Variants in GPC5 observed in about 807,000 individuals in gnomAD.
GPC5 encodes the protein glypican 5.
GPC5 carries 47 observed loss-of-function variants against 53.9 expected under a neutral mutation model. The ratio of observed to expected loss-of-function variants is 0.87; its 90% confidence interval spans 0.69 to 1.11. The LOEUF is 1.11. GPC5 is among the 50% of genes most tolerant of loss of function. The pLI is 0.00. For synonymous variants in GPC5, 286 were observed against 263.3 expected (o/e 1.09, Z -0.84); for missense variants, 748 against 713.1 (o/e 1.05, Z -0.56).
intron 7 of GPC5, among the ~76,000 whole-genome samples, chr13:92,638,744 T>A (rs1566335640): frequency 6.6e-6 from 1 of 152,212 alleles, no homozygotes; most frequent in Non-Finnish European, 1.5e-5. Flanking sequence ...CACTCTTGTC[T>A]GTGTTTAGCA....
At chr13:92,336,723 A>AC (rs1300331537) in intron 7 of GPC5, among the ~76,000 whole-genome samples, 4 of 152,172 alleles carry the variant, frequency 2.6e-5, no homozygotes, top group African/African-American at 9.7e-5. Context: ...GTGGAAAGTA[A>AC]CCCTTCATTC....
rs117464672 is a variant in GPC5 at position 91,639,366 on chromosome 13, G to C, written c.326-53821G>C. Among the ~76,000 whole-genome samples, 1,211 of 152,276 alleles carry C rather than the reference G, an allele frequency of 8.0e-3. 10 individuals are homozygous for C. The highest frequency in any genetic ancestry group is 0.013 in the Non-Finnish European group (918 of 68,006). ...CCCATGAAGATTAATTTATGTTACA[G>C]AAACAAACTTTCTGATGATTCATAA... On this transcript the variant is annotated intron_variant, in intron 2 of 7. Transcript: ENST00000377067.
At chr13:92,306,224 T>C (rs2043109964) in intron 7 of GPC5, among the ~76,000 whole-genome samples, 1 of 152,208 alleles carries the variant, frequency 6.6e-6, no homozygotes, top group African/African-American at 2.4e-5. Flanking sequence ...TGAAATCTTG[T>C]GTGAATTCCT....
intron 6 of GPC5, among the ~76,000 whole-genome samples, chr13:92,090,432 C>A (rs2041370741): frequency 6.6e-6 from 1 of 152,146 alleles, no homozygotes; most frequent in African/African-American, 2.4e-5. Flanking sequence ...AAAGAGTCCC[C>A]AGAGAGACTC....
At chr13:91,422,565 G>A (rs1878712670) in intron 1 of GPC5, among the ~76,000 whole-genome samples, 1 of 152,164 alleles carries the variant, frequency 6.6e-6, no homozygotes, top group Admixed American at 6.5e-5. Flanking sequence ...GAACCCAGAA[G>A]GCAGAGTTTG....
intron 3 of GPC5, among the ~76,000 whole-genome samples, chr13:91,727,780 G>A (rs1033639855): frequency 6.6e-5 from 10 of 152,014 alleles, no homozygotes; most frequent in African/African-American, 9.7e-5. Context: ...ATGCTTTTAC[G>A]TATTTCCAGT....
At chr13:92,643,096 T>G (rs1885648757) in intron 7 of GPC5, among the ~76,000 whole-genome samples, 1 of 152,154 alleles carries the variant, frequency 6.6e-6, no homozygotes, top group Non-Finnish European at 1.5e-5. Context: ...GTAAATTTGT[T>G]TGAGTTCATT....
intron 7 of GPC5, among the ~76,000 whole-genome samples, chr13:92,613,017 C>A (rs1288616348): frequency 2.6e-5 from 4 of 151,350 alleles, no homozygotes; most frequent in Non-Finnish European, 5.9e-5. Context: ...AACTACAGTG[C>A]AAAGCAATTA....
chr13:92,294,679 T>C (rs909865883), intron 7 of GPC5, among the ~76,000 whole-genome samples: 1 of 152,138 alleles, frequency 6.6e-6, no homozygotes, highest in Admixed American at 6.5e-5. Flanking sequence ...ATCTGTTTTG[T>C]TGCTTTCAAT....
chr13:91,984,046 T>C (rs2040385007), intron 6 of GPC5, among the ~76,000 whole-genome samples: 1 of 152,280 alleles, frequency 6.6e-6, no homozygotes, highest in Non-Finnish European at 1.5e-5. Context: ...ACTTTATATT[T>C]CTAGATTTGT....
intron 2 of GPC5, among the ~76,000 whole-genome samples, chr13:91,550,860 T>A (rs2030596387): frequency 6.6e-6 from 1 of 152,000 alleles, no homozygotes; most frequent in Non-Finnish European, 1.5e-5. Flanking sequence ...AAATGGGAGT[T>A]CCCCTGCACA....
At chr13:92,347,500 G>A (rs2043423309) in intron 7 of GPC5, among the ~76,000 whole-genome samples, 1 of 152,080 alleles carries the variant, frequency 6.6e-6, no homozygotes, top group Admixed American at 6.6e-5. Context: ...GCAAAGGGAT[G>A]TCATAACCAT....
chr13:91,854,684 C>T (rs901065256), intron 5 of GPC5, among the ~76,000 whole-genome samples: 1 of 151,774 alleles, frequency 6.6e-6, no homozygotes, highest in Admixed American at 6.6e-5. Flanking sequence ...CTCATCCAAT[C>T]ACACTAGAAA....
At chr13:91,646,973 A>G (rs760189582) in intron 2 of GPC5, among the ~76,000 whole-genome samples, 3 of 152,178 alleles carry the variant, frequency 2.0e-5, no homozygotes, top group Non-Finnish European at 4.4e-5. Context: ...TAACATCCAT[A>G]AAATCATTAT....
At chr13:92,355,645 A>G (rs1035362242) in intron 7 of GPC5, among the ~76,000 whole-genome samples, 5 of 152,062 alleles carry the variant, frequency 3.3e-5, no homozygotes, top group African/African-American at 9.7e-5. Context: ...GATGATTTCA[A>G]TACCTACCTA....
intron 3 of GPC5, among the ~76,000 whole-genome samples, chr13:91,708,308 A>G (rs73607076): frequency 0.012 from 1,846 of 151,510 alleles, 33 homozygotes; most frequent in African/African-American, 0.041. Context: ...ATATGACTGT[A>G]TACTCTGAGT....
chr13:91,532,496 C>G (rs1425395584), intron 2 of GPC5, among the ~76,000 whole-genome samples: 1 of 152,064 alleles, frequency 6.6e-6, no homozygotes, highest in African/African-American at 2.4e-5. Context: ...AGTTGTTTCA[C>G]AATCTGCTTT....
At chr13:92,524,388 A>C (rs371141877) in intron 7 of GPC5, among the ~76,000 whole-genome samples, 1 of 152,066 alleles carries the variant, frequency 6.6e-6, no homozygotes, top group Non-Finnish European at 1.5e-5. Context: ...GTTATCCTGC[A>C]TTGTATAGGG....
chr13:91,421,113 A>C (rs1379983721), intron 1 of GPC5, among the ~76,000 whole-genome samples: 1 of 152,234 alleles, frequency 6.6e-6, no homozygotes, highest in Admixed American at 6.5e-5. Context: ...CAATCATTAC[A>C]AATTAACATC....
Sources: gnomAD v4.1 joint callset for allele counts (sites outside exome capture counted in the v4.1 genomes callset) on GRCh38, gnomAD v4.1.1 for gene constraint, MANE v1.5 for transcripts, NCBI Gene and HGNC (gene_info 2026-07-23, HGNC 2026-07-21) for gene names.